DDX4: variants seen among roughly 807,000 people sequenced by gnomAD.
DDX4 encodes the protein probable ATP-dependent RNA helicase DDX4.
DDX4 carries 25 observed loss-of-function variants against 100.0 expected under a neutral mutation model. The observed-to-expected ratio is 0.25, with a 90% CI of 0.18 to 0.35. The LOEUF (loss-of-function observed/expected upper bound fraction) is 0.35, where lower values mean the gene tolerates loss of function less well. Ranked by LOEUF, DDX4 falls within the 10% of genes least tolerant of loss-of-function variation. The pLI, the probability that DDX4 is intolerant of heterozygous loss-of-function variation, is 1.00. For missense variants in DDX4, 635 were observed against 882.4 expected, an observed-to-expected ratio of 0.72 and a Z score of 3.55; for synonymous variants, 259 against 275.7, an observed-to-expected ratio of 0.94 and a Z score of 0.60.
At position 55,746,234 on chromosome 5, in the gene DDX4, G is replaced by C. The variant is rs759393265; in HGVS notation, c.127+13G>C. On this transcript the variant is annotated intron_variant, in intron 3 of 21. Coordinates refer to ENST00000505374, the MANE Select transcript of DDX4 (RefSeq NM_024415.3). ...GCTTCATCATCAGGTATGTGTTATG[G>C]GAAAAAGGTAAAACCCTTTTTAGTT... The C allele has an allele frequency of 6.2e-7, 1 of 1,603,968 alleles. No individual in the cohort carries two copies. The highest frequency in any genetic ancestry group is 8.5e-7 in the Non-Finnish European group (1 of 1,176,370).
At chr5:55,801,238 T>C (rs1743282009) in intron 18 of DDX4, among the ~76,000 whole-genome samples, 2 of 149,048 alleles carry the variant, frequency 1.3e-5, no homozygotes, top group Non-Finnish European at 3.0e-5. Context: ...TTTTTTGCGA[T>C]TAAAAAAACA....
At chr5:55,743,271 C>T (rs1351566143) in intron 2 of DDX4, among the ~76,000 whole-genome samples, 1 of 152,146 alleles carries the variant, frequency 6.6e-6, no homozygotes, top group Non-Finnish European at 1.5e-5. Context: ...TTAGCTCTGT[C>T]TTCACATTGC....
At chr5:55,813,977 T>G (rs1744250153) in intron 19 of DDX4, among the ~76,000 whole-genome samples, 1 of 152,212 alleles carries the variant, frequency 6.6e-6, no homozygotes, top group Admixed American at 6.5e-5. Flanking sequence ...TTCTTAGTTT[T>G]TAGAACTAAG....
chr5:55,739,048 GT>G lies in DDX4; in HGVS notation c.69+19del. 8 of 1,447,006 alleles carry G rather than the reference GT, an allele frequency of 5.5e-6. No individual in the cohort carries two copies. Among genetic ancestry groups the G allele is most frequent in the Non-Finnish European group, 4.8e-6 (5 of 1,034,132 alleles). 89.6% of individuals were successfully genotyped at this position (1,447,006 alleles called of 1,614,324 possible). ...ATTTGAGAAGGTAATAACATTTAAA[GT>G]TTAGTTATTAAATGCTACGGATTTT... is the stretch of plus-strand genomic sequence containing the variant. On this transcript the variant is annotated intron_variant, in intron 2 of 21. Transcript: ENST00000505374.
intron 3 of DDX4, among the ~76,000 whole-genome samples, chr5:55,747,387 AAC>A (rs763337838): frequency 1.0e-3 from 155 of 152,076 alleles, no homozygotes; most frequent in Admixed American, 2.7e-3. Flanking sequence ...AAAAAACAAA[AAC>A]AAAAAAAATT....
chr5:55,748,946 T>C lies in DDX4; in HGVS notation c.127+2725T>C, dbSNP rs993107212. On this transcript the variant is annotated intron_variant, in intron 3 of 21. Coordinates refer to ENST00000505374, the MANE Select transcript of DDX4 (RefSeq NM_024415.3). ...TACCCATGCTTACCTTCCATGCCCT[T>C]TTCATGCTCTTAAAATTGTATTTAG... 3.9e-5 allele frequency among the ~76,000 whole-genome samples: 6 copies of C among 152,358 alleles called. No homozygotes were observed. The South Asian group carries it at 1.0e-3, about 26-fold the overall frequency.
chr5:55,745,112 T>A (rs1331437075), intron 2 of DDX4, among the ~76,000 whole-genome samples: 3 of 152,188 alleles, frequency 2.0e-5, no homozygotes, highest in Non-Finnish European at 4.4e-5. Flanking sequence ...ACTGCTGACC[T>A]CAGGTGATCT....
rs750546664 is a variant in DDX4, at chr5:55,786,684, C to T, written c.1017+14C>T. The T allele has an allele frequency of 1.7e-5, 28 of 1,607,468 alleles. No individual in the cohort carries two copies. The South Asian group carries it at 3.0e-4, about 17-fold the overall frequency. ...TCTGGGAAGACTGTAAGTCTTTCCC[C>T]ACATGTCCAAACTGTTAGGTTTTTT... On this transcript the variant is annotated intron_variant, in intron 14 of 21. Coordinates refer to ENST00000505374, the MANE Select transcript of DDX4 (RefSeq NM_024415.3).
At chr5:55,778,698 A>G (rs1741717127) in intron 7 of DDX4, among the ~76,000 whole-genome samples, 1 of 152,218 alleles carries the variant, frequency 6.6e-6, no homozygotes, top group South Asian at 2.1e-4. Context: ...GTTCCAGACC[A>G]GCCTGGCCAA....
chr5:55,765,896 C>T (rs562351453), intron 6 of DDX4, among the ~76,000 whole-genome samples: 35 of 152,044 alleles, frequency 2.3e-4, no homozygotes, highest in Non-Finnish European at 4.0e-4. Flanking sequence ...CCTCTGCGTC[C>T]AGGGTTCAAG....
At chr5:55,768,131 T>C (rs1219960803) in intron 7 of DDX4, 191 bp downstream of exon 7, 3 of 580,624 alleles carry the variant, frequency 5.2e-6, no homozygotes, top group Non-Finnish European at 9.3e-6. Context: ...TCTTTTATTT[T>C]ATTTTTTTAA....
chr5:55,755,898 C>T (rs1442225417), intron 3 of DDX4, among the ~76,000 whole-genome samples: 1 of 152,054 alleles, frequency 6.6e-6, no homozygotes, highest in Non-Finnish European at 1.5e-5. Context: ...CCTTTTTCTT[C>T]CAGGCACCGT....
intron 3 of DDX4, among the ~76,000 whole-genome samples, chr5:55,757,765 C>T (rs1221173918): frequency 2.0e-5 from 3 of 152,026 alleles, no homozygotes; most frequent in Admixed American, 6.6e-5. Flanking sequence ...CATTACCCAC[C>T]GGGCGCGGTG....
intron 7 of DDX4, among the ~76,000 whole-genome samples, chr5:55,771,492 A>T (rs964808593): frequency 6.6e-6 from 1 of 152,144 alleles, no homozygotes; most frequent in Non-Finnish European, 1.5e-5. Context: ...TTTTTCTATT[A>T]GTGATAGGTA....
At chr5:55,784,364 G>A (rs946975327) in intron 10 of DDX4, among the ~76,000 whole-genome samples, 1 of 152,124 alleles carries the variant, frequency 6.6e-6, no homozygotes, top group Admixed American at 6.5e-5. Flanking sequence ...TAGCCTATTG[G>A]ATGGTGCCTG....
intron 17 of DDX4, among the ~76,000 whole-genome samples, chr5:55,794,769 C>G (rs1404798027): frequency 6.6e-6 from 1 of 152,062 alleles, no homozygotes; most frequent in Non-Finnish European, 1.5e-5. Context: ...TTCTTTGCTT[C>G]CTGACTCTCC....
intron 18 of DDX4, among the ~76,000 whole-genome samples, chr5:55,799,756 G>A (rs976078322): frequency 1.3e-5 from 2 of 152,104 alleles, no homozygotes; most frequent in African/African-American, 2.4e-5. Context: ...TTTTAAATAT[G>A]TTCATTTTAA....
intron 18 of DDX4, among the ~76,000 whole-genome samples, chr5:55,808,203 C>T (rs1580608243): frequency 6.6e-6 from 1 of 152,114 alleles, no homozygotes; most frequent in East Asian, 1.9e-4. Context: ...ATTGGTTATT[C>T]TAGTTAGCCA....
At position 55,754,201 on chromosome 5, in the gene DDX4, A is replaced by G. The variant is rs1007140059; in HGVS notation, c.128-5999A>G. ...CCTAATTGCCCTGGCCAGAACTTCC[A>G]ACACTATGTTGAATAGGAGTGGTGA... On this transcript the variant is annotated intron_variant, in intron 3 of 21. Coordinates refer to ENST00000505374, the MANE Select transcript of DDX4 (RefSeq NM_024415.3). Among the ~76,000 whole-genome samples the G allele has an allele frequency of 1.2e-3, 178 of 150,850 alleles. 1 individual carries two copies. The highest frequency in any genetic ancestry group is 4.1e-4 in the Non-Finnish European group (28 of 67,542).
Sources: gnomAD v4.1 joint callset for allele counts (sites outside exome capture counted in the v4.1 genomes callset) on GRCh38, gnomAD v4.1.1 for gene constraint, MANE v1.5 for transcripts, NCBI Gene and HGNC (gene_info 2026-07-23, HGNC 2026-07-21) for gene names.